EPHA6: variants seen among roughly 807,000 people sequenced by gnomAD.
The protein encoded by EPHA6 is EPH receptor A6.
EPHA6 carries 50 observed loss-of-function variants against 112.0 expected under a neutral mutation model. The ratio of observed to expected loss-of-function variants is 0.45; its 90% CI spans 0.36 to 0.56. The LOEUF is 0.56. EPHA6 is among the 20% of genes least tolerant of loss of function. EPHA6 has a pLI of 0.00. For synonymous variants in EPHA6, 529 were observed against 490.7 expected (o/e 1.08, Z -1.03); for missense variants, 1,280 against 1,417.4 (o/e 0.90, Z 1.56).
chr3:97,438,593 A>G (rs2089977336), intron 6 of EPHA6, among the ~76,000 whole-genome samples: 1 of 152,200 alleles, frequency 6.6e-6, no homozygotes, highest in African/African-American at 2.4e-5. Flanking sequence ...AGAGCCTACA[A>G]TATGCTAGGC....
chr3:97,221,380 G>GA (rs1210985715), intron 3 of EPHA6, among the ~76,000 whole-genome samples: 1 of 145,060 alleles, frequency 6.9e-6, no homozygotes, highest in Non-Finnish European at 1.5e-5. Flanking sequence ...TTTTCTAAAG[G>GA]AAAAAATAAT....
chr3:97,030,508 C>T (rs2044789595), intron 3 of EPHA6, among the ~76,000 whole-genome samples: 2 of 152,054 alleles, frequency 1.3e-5, no homozygotes, highest in South Asian at 4.1e-4. Flanking sequence ...TAGTCTCTAA[C>T]TTTTTTCTCC....
chr3:97,405,020 T>G (rs2087247008), intron 5 of EPHA6, 130 bp from the exon 6 acceptor site: 1 of 951,706 alleles, frequency 1.1e-6, no homozygotes, highest in African/African-American at 1.7e-5. Context: ...GCTATCTTAT[T>G]AATCTGCCTT....
At chr3:97,578,599 A>G (rs1165868080) in intron 11 of EPHA6, among the ~76,000 whole-genome samples, 1 of 152,218 alleles carries the variant, frequency 6.6e-6, no homozygotes, top group Non-Finnish European at 1.5e-5. Flanking sequence ...TCAGATCATG[A>G]CTAGAGGTAT....
At position 96,814,748 on chromosome 3, in the gene EPHA6, G is replaced by T. The variant is rs1416472107; in HGVS notation, c.125G>T (p.Arg42Leu). ...GPSCPVPGTS[R>L]RGRPGTPPAG... ...TCGTGCCCTGTTCCCGGGACCTCGC[G>T]CAGGGGGCGCCCCGGGACACCCCCT... Residue 42 changes from arginine to leucine, a missense_variant, in exon 1 of 18, where the codon CGC becomes CTC. This residue lies in a region of EPHA6 where 220 missense variants were observed against 171.5 expected (regional missense o/e 1.28). Coordinates refer to ENST00000389672, the MANE Select transcript of EPHA6 (RefSeq NM_001080448.3). 5 of 1,592,092 alleles carry T rather than the reference G, an allele frequency of 3.1e-6. No individual in the cohort carries two copies. The highest frequency in any genetic ancestry group is 2.2e-5 in the South Asian group (2 of 89,278).
chr3:97,024,653 G>GT (rs992934023), intron 3 of EPHA6, among the ~76,000 whole-genome samples: 4 of 152,162 alleles, frequency 2.6e-5, no homozygotes, highest in East Asian at 1.9e-4. Flanking sequence ...TGTTTACATG[G>GT]TTTTTTTAAC....
chr3:97,590,846 A>G (rs577922821), intron 11 of EPHA6, among the ~76,000 whole-genome samples: 14 of 152,342 alleles, frequency 9.2e-5, no homozygotes, highest in African/African-American at 3.4e-4. Flanking sequence ...TTGGTATTCA[A>G]TGATGCACCT....
rs185286006 is a variant in EPHA6 at position 97,175,072 on chromosome 3, G to A, written c.1115-51192G>A. Among the ~76,000 whole-genome samples the A allele has an allele frequency of 3.3e-5, 5 of 151,930 alleles. No homozygotes were observed. The East Asian group carries it at 9.6e-4, about 29-fold the overall frequency. On this transcript the variant is annotated intron_variant, in intron 3 of 17. Transcript: ENST00000389672. ...TTTAATTTGCTTTGTTTTAACTTTG[G>A]CATATGGTGAGAAATAGGGGTCTAG...
chr3:97,387,940 C>T (rs992800198), intron 5 of EPHA6, among the ~76,000 whole-genome samples: 4 of 152,142 alleles, frequency 2.6e-5, no homozygotes, highest in Non-Finnish European at 5.9e-5. Context: ...GCACATACAT[C>T]TTCACATGGC....
intron 3 of EPHA6, among the ~76,000 whole-genome samples, chr3:97,047,389 A>G (rs1274772794): frequency 6.6e-6 from 1 of 151,432 alleles, no homozygotes; most frequent in Admixed American, 6.6e-5. Context: ...GGTCCCACCT[A>G]CTAGGGAGGC....
chr3:97,731,199 C>T (rs1334608315), intron 15 of EPHA6, among the ~76,000 whole-genome samples: 1 of 151,970 alleles, frequency 6.6e-6, no homozygotes, highest in African/African-American at 2.4e-5. Flanking sequence ...TTTTGAGCAA[C>T]AGGAAAGGCA....
At chr3:97,481,327 A>T in intron 9 of EPHA6, 1 of 1,556,238 alleles carries the variant, frequency 6.4e-7, no homozygotes, top group South Asian at 1.1e-5. Flanking sequence ...AGTTGTAGAG[A>T]TGTTTCACTT....
At chr3:97,142,575 T>G (rs558127645) in intron 3 of EPHA6, among the ~76,000 whole-genome samples, 23 of 152,072 alleles carry the variant, frequency 1.5e-4, no homozygotes, top group African/African-American at 4.3e-4. Context: ...AGGAAACAGG[T>G]AAATTTCTGG....
rs532451290 is a variant in EPHA6, at chr3:97,417,805, T to C, written c.1731+12531T>C. ...AGGTACTGAAGGAAAACTGAAGTAG[T>C]ACCATTCTAGCAGCATACACTGATT... On this transcript the variant is annotated intron_variant, in intron 6 of 17. Transcript: ENST00000389672. Among the ~76,000 whole-genome samples the C allele has an allele frequency of 5.3e-5, 8 of 152,294 alleles. No individual in the cohort carries two copies. In the East Asian group the frequency reaches 1.5e-3, roughly 29 times the overall value.
At chr3:97,236,241 T>C (rs1408162941) in intron 4 of EPHA6, among the ~76,000 whole-genome samples, 1 of 151,708 alleles carries the variant, frequency 6.6e-6, no homozygotes, top group African/African-American at 2.4e-5. Flanking sequence ...AAATAGTCAC[T>C]GAGGTTGGAG....
intron 3 of EPHA6, among the ~76,000 whole-genome samples, chr3:97,129,516 A>G (rs947940989): frequency 1.3e-5 from 2 of 149,718 alleles, no homozygotes; most frequent in African/African-American, 5.1e-5. Flanking sequence ...AACAAAAACA[A>G]ACAAAAAAAA....
At chr3:97,562,153 C>T (rs2093201671) in intron 11 of EPHA6, among the ~76,000 whole-genome samples, 1 of 152,072 alleles carries the variant, frequency 6.6e-6, no homozygotes, top group Admixed American at 6.6e-5. Flanking sequence ...CATTCTGCAG[C>T]CCATAGATCA....
chr3:97,254,552 C>A (rs2108605298), intron 5 of EPHA6, among the ~76,000 whole-genome samples: 1 of 149,376 alleles, frequency 6.7e-6, no homozygotes, highest in Non-Finnish European at 1.5e-5. Flanking sequence ...AAATTATTTT[C>A]CACTTTCTGA....
At chr3:97,191,263 C>T (rs938492076) in intron 3 of EPHA6, among the ~76,000 whole-genome samples, 4 of 152,010 alleles carry the variant, frequency 2.6e-5, no homozygotes, top group South Asian at 2.1e-4. Context: ...CTAATAATTA[C>T]ATCAGGGTAA....
Sources: gnomAD v4.1 joint callset for allele counts (sites outside exome capture counted in the v4.1 genomes callset) on GRCh38, gnomAD v4.1.1 for gene constraint, gnomAD v4.1.1 regional missense constraint, MANE v1.5 for transcripts, NCBI Gene and HGNC (gene_info 2026-07-23, HGNC 2026-07-21) for gene names.